Variants in ENOX1 observed in about 807,000 individuals in gnomAD.
The protein encoded by ENOX1 is candidate growth-related and time keeping constitutive hydroquinone (NADH) oxidase.
Under a neutral mutation model 82.5 loss-of-function variants are expected in ENOX1, and 42 were observed. That is an observed-to-expected ratio of 0.51 (90% CI 0.40 to 0.66). ENOX1 has a LOEUF of 0.66. ENOX1 is among the 30% of genes least tolerant of loss of function. The pLI, the probability that ENOX1 is intolerant of heterozygous loss-of-function variation, is 0.00. For missense variants in ENOX1, 608 were observed against 811.6 expected (o/e 0.75, Z 3.05); for synonymous variants, 271 against 282.2 (o/e 0.96, Z 0.40).
intron 2 of ENOX1, among the ~76,000 whole-genome samples, chr13:43,566,597 A>G (rs2079931124): frequency 6.6e-6 from 1 of 152,018 alleles, no homozygotes; most frequent in African/African-American, 2.4e-5. Context: ...ATCTGCAGCA[A>G]TACAGAAGGA....
chr13:43,472,545 C>T (rs2058113429), intron 3 of ENOX1, among the ~76,000 whole-genome samples: 1 of 152,112 alleles, frequency 6.6e-6, no homozygotes, highest in Non-Finnish European at 1.5e-5. Context: ...GAAAAGAAAG[C>T]CTGCCAGATG....
intron 3 of ENOX1, among the ~76,000 whole-genome samples, chr13:43,431,127 CTT>C (rs1295809376): frequency 2.6e-5 from 4 of 152,168 alleles, no homozygotes; most frequent in African/African-American, 7.2e-5. Flanking sequence ...AAGCTTAACT[CTT>C]GTCTTCATAG....
intron 11 of ENOX1, among the ~76,000 whole-genome samples, chr13:43,301,143 CTT>C (rs2046553875): frequency 6.6e-6 from 1 of 152,230 alleles, no homozygotes; most frequent in Non-Finnish European, 1.5e-5. Flanking sequence ...TTCAAAGACA[CTT>C]AAGTCATTTC....
chr13:43,500,660 A>G lies in ENOX1; in HGVS notation c.-218-16508T>C, dbSNP rs180996576. ...TATGAAAATATAAATCTTGGCTGGT[A>G]AAGGTAAATACACAGACTAATACAT... On this transcript the variant is annotated intron_variant, in intron 2 of 16. Transcript: ENST00000690772. 7.1e-4 allele frequency among the ~76,000 whole-genome samples: 108 copies of G among 152,164 alleles called. 1 individual carries two copies. The South Asian group carries it at 0.011, about 15-fold the overall frequency.
intron 3 of ENOX1, among the ~76,000 whole-genome samples, chr13:43,469,385 T>C (rs935676451): frequency 6.6e-6 from 1 of 152,186 alleles, no homozygotes; most frequent in Middle Eastern, 3.4e-3. Context: ...AGAATTTTTC[T>C]ACCTGTATTA....
At chr13:43,309,839 A>AATG (rs10644780) in intron 11 of ENOX1, among the ~76,000 whole-genome samples, 143,204 of 152,192 alleles carry the variant, frequency 0.94, 67,998 homozygotes, top group East Asian at 1. Context: ...TGTTCATTAA[A>AATG]ATTTGTTTTG....
intron 3 of ENOX1, among the ~76,000 whole-genome samples, chr13:43,473,627 C>G (rs1368094428): frequency 6.6e-6 from 1 of 152,164 alleles, no homozygotes; most frequent in African/African-American, 2.4e-5. Context: ...CCAGCATACG[C>G]ACTCATCTCT....
chr13:43,459,382 T>C (rs2057366393), intron 3 of ENOX1: 1 of 152,198 alleles, frequency 6.6e-6, no homozygotes. Context: ...AGTTAATCCT[T>C]AGGTTGCAGG....
intron 3 of ENOX1, among the ~76,000 whole-genome samples, chr13:43,426,439 C>T (rs2055306620): frequency 6.6e-6 from 1 of 152,088 alleles, no homozygotes; most frequent in African/African-American, 2.4e-5. Context: ...ATGGCTTAAA[C>T]CCAAACTAAA....
chr13:43,554,680 G>A (rs779143443), intron 2 of ENOX1, among the ~76,000 whole-genome samples: 3 of 152,040 alleles, frequency 2.0e-5, no homozygotes, highest in Non-Finnish European at 2.9e-5. Flanking sequence ...GGGCACAAGC[G>A]ATCCTCCCAC....
chr13:43,455,436 T>C (rs2057179849), intron 3 of ENOX1, among the ~76,000 whole-genome samples: 1 of 152,176 alleles, frequency 6.6e-6, no homozygotes, highest in Non-Finnish European at 1.5e-5. Context: ...TTACCCATCA[T>C]TTTGGGCACT....
intron 3 of ENOX1, among the ~76,000 whole-genome samples, chr13:43,465,674 A>G (rs1379856066): frequency 1.3e-5 from 2 of 152,220 alleles, no homozygotes; most frequent in South Asian, 2.1e-4. Flanking sequence ...AAACCCAGTT[A>G]TATGCACATG....
intron 8 of ENOX1, among the ~76,000 whole-genome samples, chr13:43,349,492 A>C (rs531907860): frequency 6.6e-6 from 1 of 152,302 alleles, no homozygotes; most frequent in East Asian, 1.9e-4. Context: ...AGACTTTGTT[A>C]ACCCCCTTCC....
chr13:43,695,237 C>T (rs2086573781), intron 1 of ENOX1, among the ~76,000 whole-genome samples: 1 of 149,100 alleles, frequency 6.7e-6, no homozygotes, highest in Admixed American at 6.6e-5. Flanking sequence ...GCAGAATAAG[C>T]TCATATTTAA....
At chr13:43,347,284 A>G (rs1390050572) in intron 8 of ENOX1, among the ~76,000 whole-genome samples, 1 of 152,170 alleles carries the variant, frequency 6.6e-6, no homozygotes. Context: ...AAAATACACA[A>G]TTTCAAAAGT....
rs33932346 is a variant in ENOX1 at position 43,232,093 on chromosome 13, CT to C, written c.1714+4542del. On this transcript the variant is annotated intron_variant, in intron 15 of 16. Transcript: ENST00000690772. ...GGTGCATGCCACCATGCCCAGCTAA[CT>C]TTTTTTTTTTTTTTTTTTTGTAGAG... Among the ~76,000 whole-genome samples the C allele has an allele frequency of 7.2e-4, 79 of 109,552 alleles. 1 individual carries two copies. In the South Asian group the frequency reaches 8.6e-3, roughly 12 times the overall value. 71.9% of individuals were successfully genotyped at this position (109,552 alleles called of 152,430 possible). A position where few individuals can be genotyped will look rare whatever the true frequency, so the allele number is the denominator to read the frequency against.
At chr13:43,609,243 G>A (rs1325457645) in intron 2 of ENOX1, among the ~76,000 whole-genome samples, 1 of 152,176 alleles carries the variant, frequency 6.6e-6, no homozygotes, top group Non-Finnish European at 1.5e-5. Flanking sequence ...ATCTGTGAAT[G>A]AAGCTTTTTT....
chr13:43,533,759 T>C (rs888770214), intron 2 of ENOX1, among the ~76,000 whole-genome samples: 3 of 152,168 alleles, frequency 2.0e-5, no homozygotes, highest in Non-Finnish European at 2.9e-5. Context: ...AGAGTTAGCC[T>C]CATTAAACTC....
At chr13:43,672,801 A>G (rs2085330462) in intron 1 of ENOX1, among the ~76,000 whole-genome samples, 1 of 152,206 alleles carries the variant, frequency 6.6e-6, no homozygotes, top group Admixed American at 6.5e-5. Context: ...CCACCGCTCT[A>G]TGATTTCAGT....
Sources: gnomAD v4.1 joint callset for allele counts (sites outside exome capture counted in the v4.1 genomes callset) on GRCh38, gnomAD v4.1.1 for gene constraint, MANE v1.5 for transcripts, NCBI Gene and HGNC (gene_info 2026-07-23, HGNC 2026-07-21) for gene names.